ALLC: variants seen among roughly 807,000 people sequenced by gnomAD.
ALLC encodes allantoicase, also known as probable inactive allantoicase.
In ALLC, 40 loss-of-function variants were observed where a neutral mutation model predicts 45.0. That is an observed-to-expected ratio of 0.89 (90% confidence interval 0.69 to 1.16). The LOEUF (loss-of-function observed/expected upper bound fraction) is 1.16, where lower values mean the gene tolerates loss of function less well. ALLC is among the 50% of genes most tolerant of loss of function. ALLC has a pLI of 0.00. For missense variants in ALLC, 488 were observed against 493.1 expected (o/e 0.99, Z 0.10); for synonymous variants, 176 against 178.1 (o/e 0.99, Z 0.09).
chr2:3,648,409 G>A, the ALLC span, among the ~76,000 whole-genome samples: 3 of 152,058 alleles, frequency 2.0e-5, no homozygotes, highest in Non-Finnish European at 4.4e-5. Context: ...GCACACATAG[G>A]GTGTCAGCTC....
intron 7 of ALLC, among the ~76,000 whole-genome samples, chr2:3,690,584 C>G (rs1667489066): frequency 6.6e-6 from 1 of 150,484 alleles, no homozygotes; most frequent in Non-Finnish European, 1.5e-5. Flanking sequence ...TACCATGAGG[C>G]TTATAAAAAC....
At chr2:3,677,782 C>T (rs968702292) in intron 3 of ALLC, among the ~76,000 whole-genome samples, 9 of 152,206 alleles carry the variant, frequency 5.9e-5, no homozygotes, top group South Asian at 2.1e-4. Context: ...TAAGCAGTAA[C>T]GTAAGATCCT....
At chr2:3,651,489 G>A in the ALLC span, among the ~76,000 whole-genome samples, 1 of 150,720 alleles carries the variant, frequency 6.6e-6, no homozygotes, top group Admixed American at 6.6e-5. Context: ...AAGAGCAGGC[G>A]GGAGCAGGAG....
In ALLC at chr2:3,701,626, C is replaced by CA; in HGVS notation, c.966dup (p.Val323SerfsTer14). 8.7e-6 allele frequency: 14 copies of CA among 1,611,564 alleles called. No individual in the cohort carries two copies. Among genetic ancestry groups the CA allele is most frequent in the Non-Finnish European group, 1.2e-5 (14 of 1,178,704 alleles). On this transcript the variant is annotated frameshift_variant, in exon 11 of 12. Transcript: ENST00000252505. LOFTEE classifies it high-confidence loss of function. ...GCCCACAAGTGGAAACCACTGCTTC[C>CA]AGTGACCAAGGTTCGTGTGGCATGT...
chr2:3,696,220 C>G (rs958354052), intron 8 of ALLC, 55 bp from the exon 9 acceptor site: 2 of 1,402,102 alleles, frequency 1.4e-6, no homozygotes, highest in Non-Finnish European at 2.0e-6. Flanking sequence ...GCAATGTATT[C>G]ATCCTCATAG....
intron 3 of ALLC, among the ~76,000 whole-genome samples, chr2:3,675,950 G>T (rs1463293549): frequency 1.3e-5 from 2 of 152,336 alleles, no homozygotes; most frequent in African/African-American, 4.8e-5. Flanking sequence ...CTCTTGGGAT[G>T]GCCACCTGCC....
chr2:3,655,482 G>A (rs957208415), upstream of ALLC, among the ~76,000 whole-genome samples: 1 of 152,172 alleles, frequency 6.6e-6, no homozygotes, highest in African/African-American at 2.4e-5. Flanking sequence ...TTGAGATAGG[G>A]TCTCACTCTA....
At chr2:3,664,911 C>A (rs536608906) in intron 1 of ALLC, among the ~76,000 whole-genome samples, 1 of 151,432 alleles carries the variant, frequency 6.6e-6, no homozygotes, top group Non-Finnish European at 1.5e-5. Flanking sequence ...CCAAAACCCC[C>A]CCCCAAACCA....
chr2:3,657,873 A>G (rs1666477383), upstream of ALLC, among the ~76,000 whole-genome samples: 1 of 152,176 alleles, frequency 6.6e-6, no homozygotes, highest in Non-Finnish European at 1.5e-5. Flanking sequence ...GGGTGTGCTC[A>G]GTGTTTTCTG....
chr2:3,650,024 C>T, the ALLC span, among the ~76,000 whole-genome samples: 10 of 152,226 alleles, frequency 6.6e-5, no homozygotes, highest in Admixed American at 3.9e-4. Context: ...AGGAACTGGA[C>T]GTGATGCATT....
rs747581780 is a variant in ALLC at position 3,702,411 on chromosome 2, C to T, written c.1024C>T (p.Gln342Ter). The T allele has an allele frequency of 6.2e-7, 1 of 1,613,280 alleles. No individual in the cohort carries two copies. The highest frequency in any genetic ancestry group is 8.5e-7 in the Non-Finnish European group (1 of 1,179,824). The change falls in exon 12 of 12, where the codon CAA becomes TAA. Residue 342 changes from glutamine (Q) to a stop codon, truncating the protein, a stop_gained. Transcript: ENST00000252505. LOFTEE classifies it high-confidence loss of function. Reference protein sequence around the residue: ...HLFDSLTLELQDVITHARLTI... With the variant: ...HLFDSLTLEL ...GTTCGATAGCCTGACCCTAGAGCTC[C>T]AAGATGTCATCACTCACGCCAGGCT...
At chr2:3,681,208 GT>G (rs1240099432) in intron 5 of ALLC, among the ~76,000 whole-genome samples, 1 of 152,146 alleles carries the variant, frequency 6.6e-6, no homozygotes, top group African/African-American at 2.4e-5. Flanking sequence ...TGACAAACGA[GT>G]AAGATTGTTT....
At chr2:3,647,364 G>C in the ALLC span, among the ~76,000 whole-genome samples, 1 of 151,992 alleles carries the variant, frequency 6.6e-6, no homozygotes, top group African/African-American at 2.4e-5. Flanking sequence ...TGCCTCGGGG[G>C]TGGGCATTCT....
At chr2:3,685,569 C>T (rs763862405) in intron 7 of ALLC, among the ~76,000 whole-genome samples, 1 of 150,738 alleles carries the variant, frequency 6.6e-6, no homozygotes, top group African/African-American at 2.4e-5. Flanking sequence ...GAAAACCACC[C>T]CATCATCCAA....
chr2:3,664,112 AGGTCTGTCTT>A (rs1043951602), intron 1 of ALLC, among the ~76,000 whole-genome samples: 1 of 152,208 alleles, frequency 6.6e-6, no homozygotes, highest in African/African-American at 2.4e-5. Flanking sequence ...TCTTAGTTAA[AGGTCTGTCTT>A]TTTTGCCTAA....
At chr2:3,692,286 C>A (rs940533290) in intron 7 of ALLC, among the ~76,000 whole-genome samples, 2 of 152,162 alleles carry the variant, frequency 1.3e-5, no homozygotes, top group East Asian at 1.9e-4. Context: ...AATATTTTAG[C>A]TTCCCTGGGC....
At chr2:3,652,531 G>T in the ALLC span, among the ~76,000 whole-genome samples, 1 of 150,412 alleles carries the variant, frequency 6.6e-6, no homozygotes, top group South Asian at 2.1e-4. Context: ...CCCAAACAGC[G>T]TATATCAGTT....
chr2:3,672,565 G>C (rs376542747), intron 2 of ALLC, among the ~76,000 whole-genome samples: 19 of 88,412 alleles, frequency 2.1e-4, no homozygotes, highest in African/African-American at 9.3e-4. Context: ...CTGGTTAGAT[G>C]GGAGGTCCCC....
intron 4 of ALLC, 38 bp downstream of exon 4, chr2:3,678,593 A>T (rs2148005146): frequency 1.3e-6 from 2 of 1,565,110 alleles, no homozygotes; most frequent in East Asian, 2.2e-5. Flanking sequence ...TGCAGCTGAC[A>T]CTGCAAAGTT....
Sources: gnomAD v4.1 joint callset for allele counts (sites outside exome capture counted in the v4.1 genomes callset) on GRCh38, gnomAD v4.1.1 for gene constraint, MANE v1.5 for transcripts, NCBI Gene and HGNC (gene_info 2026-07-23, HGNC 2026-07-21) for gene names.